The following FHIT variants were observed in gnomAD, a reference collection of about 807,000 sequenced individuals.
The protein encoded by FHIT is bis(5'-adenosyl)-triphosphatase.
FHIT carries 19 observed loss-of-function variants against 17.9 expected under a neutral mutation model. That is an observed-to-expected ratio of 1.06 (90% CI 0.74 to 1.56). FHIT has a LOEUF of 1.56. FHIT is among the 40% of genes most tolerant of loss of function. FHIT has a pLI of 0.00. For missense variants in FHIT, 248 were observed against 189.2 expected (o/e 1.31, Z -1.82); for synonymous variants, 81 against 69.7 (o/e 1.16, Z -0.81).
intron 5 of FHIT, among the ~76,000 whole-genome samples, chr3:60,080,116 A>T (rs1426060132): frequency 6.6e-6 from 1 of 152,206 alleles, no homozygotes; most frequent in African/African-American, 2.4e-5. Context: ...GACAGTCAAA[A>T]TGTGGATACA....
At chr3:59,872,344 G>A (rs1228590852) in intron 8 of FHIT, among the ~76,000 whole-genome samples, 1 of 152,184 alleles carries the variant, frequency 6.6e-6, no homozygotes, top group East Asian at 1.9e-4. Context: ...AGTTCATGAG[G>A]AGGGCGATGA....
At chr3:60,601,839 G>T (rs1282219029) in intron 4 of FHIT, among the ~76,000 whole-genome samples, 3 of 151,880 alleles carry the variant, frequency 2.0e-5, no homozygotes, top group African/African-American at 4.8e-5. Flanking sequence ...ACACAAACAA[G>T]GTTTTGAAAA....
intron 5 of FHIT, among the ~76,000 whole-genome samples, chr3:60,123,612 C>A (rs192767801): frequency 9.2e-5 from 14 of 152,100 alleles, no homozygotes; most frequent in South Asian, 4.2e-4. Flanking sequence ...AATACCAACA[C>A]AGAGTCTTTT....
At chr3:59,988,057 G>A (rs1231647814) in intron 7 of FHIT, among the ~76,000 whole-genome samples, 1 of 151,984 alleles carries the variant, frequency 6.6e-6, no homozygotes, top group Non-Finnish European at 1.5e-5. Flanking sequence ...TCACACATTT[G>A]GGAGGTTTAT....
chr3:60,416,413 T>C (rs563471944), intron 5 of FHIT, among the ~76,000 whole-genome samples: 3 of 152,284 alleles, frequency 2.0e-5, no homozygotes, highest in African/African-American at 7.2e-5. Flanking sequence ...CCTTTTCCTG[T>C]AAAGGGACAA....
chr3:60,911,371 G>GCACA (rs35183064), intron 3 of FHIT, among the ~76,000 whole-genome samples: 59,512 of 148,820 alleles, frequency 0.4, 11,885 homozygotes, highest in Middle Eastern at 0.54. Context: ...TTCTTTGCAT[G>GCACA]CACACACACA....
intron 4 of FHIT, among the ~76,000 whole-genome samples, chr3:60,702,183 A>G (rs1329094144): frequency 6.6e-6 from 1 of 152,136 alleles, no homozygotes; most frequent in Non-Finnish European, 1.5e-5. Context: ...CTTTTACTGA[A>G]TATTAACTTC....
chr3:60,246,391 C>T (rs1018291754), intron 5 of FHIT, among the ~76,000 whole-genome samples: 1 of 152,048 alleles, frequency 6.6e-6, no homozygotes, highest in Admixed American at 6.6e-5. Flanking sequence ...AAGGGTCTCT[C>T]TTTTACTTTA....
chr3:60,815,889 G>A (rs1379723406), intron 4 of FHIT, among the ~76,000 whole-genome samples: 1 of 151,960 alleles, frequency 6.6e-6, no homozygotes, highest in African/African-American at 2.4e-5. Flanking sequence ...CCATCTGTTT[G>A]TGTCTTCTAT....
intron 2 of FHIT, among the ~76,000 whole-genome samples, chr3:61,115,748 G>C (rs563026571): frequency 1.3e-3 from 203 of 152,248 alleles, no homozygotes; most frequent in African/African-American, 4.5e-3. Context: ...TTGTGCATAA[G>C]GTTCAGAGAA....
intron 5 of FHIT, among the ~76,000 whole-genome samples, chr3:60,195,403 C>G (rs532207986): frequency 6.6e-6 from 1 of 151,560 alleles, no homozygotes; most frequent in Non-Finnish European, 1.5e-5. Context: ...GATCCCAATA[C>G]TGGGTTTCTA....
chr3:60,019,906 G>A (rs575285719), intron 5 of FHIT, among the ~76,000 whole-genome samples: 83 of 152,284 alleles, frequency 5.5e-4, no homozygotes, highest in African/African-American at 1.9e-3. Context: ...TTGCACATCT[G>A]CCACTATTTT....
chr3:60,226,472 C>CAAA lies in FHIT; in HGVS notation c.104-212323_104-212321dup, dbSNP rs1189100387. Among the ~76,000 whole-genome samples, 65 of 70,064 alleles carry CAAA rather than the reference C, an allele frequency of 9.3e-4. 1 individual carries two copies. Among genetic ancestry groups the CAAA allele is most frequent in the Non-Finnish European group, 9.9e-4 (37 of 37,414 alleles). The allele number at this position is 70,064 out of a possible 152,430, so 46.0% of individuals were successfully genotyped here. On this transcript the variant is annotated intron_variant, in intron 5 of 9. Coordinates refer to ENST00000492590, the MANE Select transcript of FHIT (RefSeq NM_002012.4). Reference sequence around the variant, plus strand: ...GGGCAACAAGAGTGAAACTCCGTCTCAAAAAAAAAAAAAAAAAAAAAACAC... The same window carrying CAAA: ...GGGCAACAAGAGTGAAACTCCGTCTCAAAAAAAAAAAAAAAAAAAAAAAAACAC...
intron 5 of FHIT, among the ~76,000 whole-genome samples, chr3:60,194,377 T>G (rs1254555326): frequency 6.6e-6 from 1 of 152,152 alleles, no homozygotes; most frequent in South Asian, 2.1e-4. Flanking sequence ...GAAACCTGGA[T>G]AGCCCCATGT....
intron 3 of FHIT, among the ~76,000 whole-genome samples, chr3:60,868,864 C>A (rs1704275980): frequency 1.3e-5 from 2 of 152,074 alleles, no homozygotes; most frequent in Admixed American, 1.3e-4. Flanking sequence ...GCTTCAAATA[C>A]CTTTGAAAAT....
chr3:60,346,421 A>T lies in FHIT; in HGVS notation c.103+190439T>A, dbSNP rs6800257. Among the ~76,000 whole-genome samples, 4 of 152,032 alleles carry T rather than the reference A, an allele frequency of 2.6e-5. No individual in the cohort carries two copies. The South Asian group carries it at 6.2e-4, about 24-fold the overall frequency. On this transcript the variant is annotated intron_variant, in intron 5 of 9. Transcript: ENST00000492590. Reference sequence around the variant, plus strand: ...CTTGTCAACTGGACATGCCCAAAGCAGACTGGAGCCAGATATGTGCACTGA... The same window carrying T: ...CTTGTCAACTGGACATGCCCAAAGCTGACTGGAGCCAGATATGTGCACTGA...
At chr3:61,048,370 T>C (rs945131062) in intron 2 of FHIT, among the ~76,000 whole-genome samples, 8 of 152,034 alleles carry the variant, frequency 5.3e-5, no homozygotes, top group African/African-American at 1.7e-4. Flanking sequence ...AACAGACACA[T>C]GAAAAAATGC....
intron 3 of FHIT, among the ~76,000 whole-genome samples, chr3:60,983,422 C>T (rs1399646762): frequency 2.0e-5 from 3 of 152,140 alleles, no homozygotes; most frequent in Non-Finnish European, 4.4e-5. Context: ...GTGTGAATGA[C>T]AGCTCCTTTG....
At chr3:59,913,447 T>C (rs1704979684) in intron 8 of FHIT, among the ~76,000 whole-genome samples, 1 of 152,224 alleles carries the variant, frequency 6.6e-6, no homozygotes, top group Non-Finnish European at 1.5e-5. Flanking sequence ...TTATGAGGTT[T>C]TGACATAGAT....
Sources: gnomAD v4.1 joint callset for allele counts (sites outside exome capture counted in the v4.1 genomes callset) on GRCh38, gnomAD v4.1.1 for gene constraint, MANE v1.5 for transcripts, NCBI Gene and HGNC (gene_info 2026-07-23, HGNC 2026-07-21) for gene names.